The following ZFHX3 variants were observed in gnomAD, a reference collection of about 807,000 sequenced individuals.
The protein encoded by ZFHX3 is zinc finger homeobox protein 3.
In ZFHX3, 42 loss-of-function variants were observed where a neutral mutation model predicts 279.1. The ratio of observed to expected loss-of-function variants is 0.15; its 90% CI spans 0.12 to 0.19. The LOEUF (loss-of-function observed/expected upper bound fraction) is 0.19, where lower values mean the gene tolerates loss of function less well. Ranked by LOEUF, ZFHX3 falls within the 10% of genes least tolerant of loss-of-function variation. The probability of loss-of-function intolerance (pLI) is 1.00; values close to 1 mark genes in which losing one functional copy is unlikely to be tolerated. For synonymous variants in ZFHX3, 2,293 were observed against 1,957.8 expected (o/e 1.17, Z -4.52); for missense variants, 4,981 against 4,754.0 (o/e 1.05, Z -1.40).
At chr16:73,830,441 T>C (rs1960964340) in intron 1 of ZFHX3, among the ~76,000 whole-genome samples, 1 of 152,168 alleles carries the variant, frequency 6.6e-6, no homozygotes. Context: ...CTCCAAATAA[T>C]TTCAAAACTG....
intron 2 of ZFHX3, among the ~76,000 whole-genome samples, chr16:73,622,454 C>T (rs774504412): frequency 3.9e-5 from 6 of 151,950 alleles, no homozygotes; most frequent in African/African-American, 7.3e-5. Context: ...CCCAGCTACT[C>T]GGGAGGCTGA....
intron 1 of ZFHX3, among the ~76,000 whole-genome samples, chr16:73,799,165 A>T (rs1207995989): frequency 6.6e-6 from 1 of 152,124 alleles, no homozygotes; most frequent in Non-Finnish European, 1.5e-5. Flanking sequence ...TGAGAAGGCA[A>T]CCCTAAGAAA....
intron 5 of ZFHX3, among the ~76,000 whole-genome samples, chr16:73,234,998 C>A (rs1030627878): frequency 2.0e-5 from 3 of 152,242 alleles, no homozygotes; most frequent in Admixed American, 2.0e-4. Flanking sequence ...ACAATGCTGT[C>A]TAGAAGCTGA....
intron 2 of ZFHX3, among the ~76,000 whole-genome samples, chr16:73,527,188 T>C (rs1299762697): frequency 6.6e-6 from 1 of 152,120 alleles, no homozygotes; most frequent in Non-Finnish European, 1.5e-5. Flanking sequence ...GTTTTTTTGA[T>C]TTCCCAGAAA....
At chr16:73,416,834 A>C (rs560004240) in intron 3 of ZFHX3, among the ~76,000 whole-genome samples, 4 of 151,448 alleles carry the variant, frequency 2.6e-5, no homozygotes, top group Admixed American at 6.6e-5. Flanking sequence ...AGATCGCGCC[A>C]CTGCACTCCA....
chr16:73,454,784 T>C (rs905175551), intron 3 of ZFHX3, among the ~76,000 whole-genome samples: 3 of 152,104 alleles, frequency 2.0e-5, no homozygotes, highest in Admixed American at 6.5e-5. Flanking sequence ...CTGCTTTGCA[T>C]AAGTTACATC....
intron 1 of ZFHX3, among the ~76,000 whole-genome samples, chr16:73,844,606 G>A (rs1259329027): frequency 2.0e-5 from 3 of 152,038 alleles, no homozygotes; most frequent in Non-Finnish European, 4.4e-5. Flanking sequence ...ATGCTCGAGG[G>A]AGGGATGGGG....
At chr16:72,978,009 C>T (rs111505743) in intron 1 of ZFHX3, among the ~76,000 whole-genome samples, 19 of 152,060 alleles carry the variant, frequency 1.2e-4, no homozygotes, top group East Asian at 3.9e-4. Context: ...GGACCACAGG[C>T]GCACACCACC....
chr16:73,090,495 T>C (rs1966059951), intron 8 of ZFHX3, among the ~76,000 whole-genome samples: 1 of 152,238 alleles, frequency 6.6e-6, no homozygotes, highest in Non-Finnish European at 1.5e-5. Context: ...TTTAAATATA[T>C]GAGTGCCACG....
At chr16:73,154,603 A>G (rs888573828) in intron 5 of ZFHX3, among the ~76,000 whole-genome samples, 1 of 152,092 alleles carries the variant, frequency 6.6e-6, no homozygotes, top group African/African-American at 2.4e-5. Flanking sequence ...ATTTGTGGTG[A>G]CTCTGCAGTA....
intron 3 of ZFHX3, among the ~76,000 whole-genome samples, chr16:73,445,329 GGAGA>G (rs1197332423): frequency 6.7e-6 from 1 of 148,986 alleles, no homozygotes; most frequent in African/African-American, 2.5e-5. Context: ...TGTATGGGGG[GGAGA>G]GAGAGAGAGC....
chr16:73,323,154 A>G (rs532739873), intron 3 of ZFHX3, among the ~76,000 whole-genome samples: 1 of 152,280 alleles, frequency 6.6e-6, no homozygotes, highest in South Asian at 2.1e-4. Context: ...GGAATCATGA[A>G]AGGATAATGG....
At chr16:73,152,517 G>C (rs1158779145) in intron 5 of ZFHX3, among the ~76,000 whole-genome samples, 1 of 152,020 alleles carries the variant, frequency 6.6e-6, no homozygotes, top group Non-Finnish European at 1.5e-5. Flanking sequence ...AAGTTGTTTA[G>C]ATTTAAATGA....
chr16:73,725,639 G>A (rs915232847), intron 1 of ZFHX3, among the ~76,000 whole-genome samples: 2 of 151,940 alleles, frequency 1.3e-5, no homozygotes, highest in African/African-American at 4.8e-5. Flanking sequence ...GAACAAAATG[G>A]TAAAGCATTG....
At chr16:73,683,129 T>C (rs1301526016) in intron 1 of ZFHX3, among the ~76,000 whole-genome samples, 1 of 152,220 alleles carries the variant, frequency 6.6e-6, no homozygotes, top group East Asian at 1.9e-4. Context: ...ATTATACTTT[T>C]GTCTAGTAAA....
At chr16:73,154,429 T>C (rs975765897) in intron 5 of ZFHX3, among the ~76,000 whole-genome samples, 2 of 152,168 alleles carry the variant, frequency 1.3e-5, no homozygotes, top group Non-Finnish European at 2.9e-5. Context: ...GGACAGTCAC[T>C]CCCTGTCTGC....
rs546570676 is a variant in ZFHX3 at position 73,582,434 on chromosome 16, G to A, written c.-1547+97746C>T. On this transcript the variant is annotated intron_variant, in intron 2 of 17. Transcript: ENST00000641206. ...AACGTTCTTCACAGTTAGGATATAG[G>A]AAGACAGAAAAAAAAAATTAAGCCT... is the stretch of plus-strand genomic sequence containing the variant. Among the ~76,000 whole-genome samples the A allele has an allele frequency of 4.0e-5, 6 of 149,504 alleles. No individual in the cohort carries two copies. The South Asian group carries it at 1.2e-3, about 31-fold the overall frequency.
chr16:73,750,718 A>G (rs1597094529), intron 1 of ZFHX3, among the ~76,000 whole-genome samples: 1 of 152,204 alleles, frequency 6.6e-6, no homozygotes, highest in Non-Finnish European at 1.5e-5. Context: ...AGCCACACAC[A>G]CAGGGGCATC....
At chr16:73,499,160 C>G (rs1195352587) in intron 2 of ZFHX3, 1 of 152,160 alleles carries the variant, frequency 6.6e-6, no homozygotes, top group East Asian at 1.9e-4. Context: ...GTGGGAGAAA[C>G]TGACAGGCAT....
Sources: allele counts gnomAD v4.1 joint callset (sites outside exome capture counted in the v4.1 genomes callset), GRCh38; gene constraint gnomAD v4.1.1; transcripts MANE v1.5; gene names NCBI Gene and HGNC (gene_info 2026-07-23, HGNC 2026-07-21).